The following LUC7L2 variants were observed in gnomAD, a reference collection of about 807,000 sequenced individuals.
LUC7L2 encodes the protein putative RNA-binding protein Luc7-like 2.
LUC7L2 carries 25 observed loss-of-function variants against 52.8 expected under a neutral mutation model. That is an observed-to-expected ratio of 0.47 (90% CI 0.34 to 0.66). The LOEUF (loss-of-function observed/expected upper bound fraction) is 0.66, where lower values mean the gene tolerates loss of function less well. Among genes scored for constraint, LUC7L2 ranks in the 30% least tolerant of loss-of-function variants. The pLI is 0.01. For synonymous variants in LUC7L2, 144 were observed against 160.9 expected (o/e 0.89, Z 0.80); for missense variants, 328 against 497.8 (o/e 0.66, Z 3.25).
intron 1 of LUC7L2, chr7:139,375,459 T>G: frequency 1.0e-6 from 1 of 985,438 alleles, no homozygotes; most frequent in Non-Finnish European, 1.2e-6. Context: ...TCTTCCAGGT[T>G]TGTACGCTCT....
chr7:139,409,674 G>A lies in LUC7L2; in HGVS notation c.779+20G>A. On this transcript the variant is annotated intron_variant, in intron 7 of 9. Transcript: ENST00000354926. ...GAGGAGGTATGGAGTAATGGGCCAA[G>A]TAATTGAAGTTGAATCTCTGTGGTT... 2 of 1,574,906 alleles carry A rather than the reference G, an allele frequency of 1.3e-6. No homozygotes were observed. The highest frequency in any genetic ancestry group is 3.4e-4 in the Middle Eastern group (2 of 5,910).
chr7:139,388,469 C>T (rs191073626), intron 2 of LUC7L2, among the ~76,000 whole-genome samples: 2 of 152,020 alleles, frequency 1.3e-5, no homozygotes, highest in African/African-American at 2.4e-5. Flanking sequence ...TCTCTTCACC[C>T]TATACTCATG....
intron 2 of LUC7L2, among the ~76,000 whole-genome samples, chr7:139,378,941 C>G (rs1168632666): frequency 6.6e-6 from 1 of 152,246 alleles, no homozygotes; most frequent in East Asian, 1.9e-4. Flanking sequence ...GCAGGAGCCA[C>G]TGTGCCTGGC....
At chr7:139,386,277 C>T (rs58606420) in intron 2 of LUC7L2, among the ~76,000 whole-genome samples, 4,509 of 152,272 alleles carry the variant, frequency 0.03, 237 homozygotes, top group African/African-American at 0.1. Context: ...GCTGGGATTA[C>T]AGGCCTGAGC....
At chr7:139,345,567 C>T in intron 1 of LUC7L2, 2 of 1,614,098 alleles carry the variant, frequency 1.2e-6, no homozygotes, top group Non-Finnish European at 8.5e-7. Flanking sequence ...CTATCTCTGC[C>T]TCCTGCGTAG....
rs775487080 is a variant in LUC7L2 at position 139,345,659 on chromosome 7, T to TCTCAAGTTGCCAGG, written c.-26+5153_-26+5154insAGGCTCAAGTTGCC. 5 of 1,614,086 alleles carry TCTCAAGTTGCCAGG rather than the reference T, an allele frequency of 3.1e-6. No individual in the cohort carries two copies. In the Admixed American group the frequency reaches 5.0e-5, roughly 16 times the overall value. On this transcript the variant is annotated intron_variant, in intron 1 of 10. Transcript: ENST00000541170. Reference sequence around the variant, plus strand: ...TGGAGGAGTCTGCTGGCTTGGTGGGTCTCAAGTTGCCCCATCAGCCTGGAG... The same window carrying TCTCAAGTTGCCAGG: ...TGGAGGAGTCTGCTGGCTTGGTGGGTCTCAAGTTGCCAGGCTCAAGTTGCCCCATCAGCCTGGAG...
At chr7:139,371,559 T>TG (rs917505163) in intron 1 of LUC7L2, 6 of 572,358 alleles carry the variant, frequency 1.0e-5, no homozygotes, top group African/African-American at 4.1e-5. Flanking sequence ...TGGGTAGTAC[T>TG]GGGGGGAGGG....
intron 2 of LUC7L2, among the ~76,000 whole-genome samples, chr7:139,386,977 T>C (rs890731634): frequency 1.3e-5 from 2 of 152,038 alleles, no homozygotes; most frequent in Non-Finnish European, 1.5e-5. Flanking sequence ...GTAGCTGGAT[T>C]ACAGGCACGT....
intron 4 of LUC7L2, among the ~76,000 whole-genome samples, chr7:139,403,855 T>C (rs1036607308): frequency 6.6e-6 from 1 of 152,164 alleles, no homozygotes; most frequent in Non-Finnish European, 1.5e-5. Context: ...CGTGTTCTCA[T>C]AGTGGTGGTA....
At position 139,343,925 on chromosome 7, in the gene LUC7L2, C is replaced by CAAAA. The variant is rs370854113; in HGVS notation, c.-26+3408_-26+3409insAAAA. On this transcript the variant is annotated intron_variant, in intron 1 of 10. Transcript: ENST00000541170. Reference sequence around the variant, plus strand: ...TGGGCAACAAAGTGAGACCCTGTCCCCAAAAAAAAAAAAAAAAAAAAGAGT... The same window carrying CAAAA: ...TGGGCAACAAAGTGAGACCCTGTCCCAAAACAAAAAAAAAAAAAAAAAAAAGAGT... 1.8e-4 allele frequency among the ~76,000 whole-genome samples: 23 copies of CAAAA among 126,450 alleles called. 1 individual carries two copies. Among genetic ancestry groups the CAAAA allele is most frequent in the African/African-American group, 4.3e-4 (12 of 28,206 alleles). The allele number at this position is 126,450 out of a possible 152,430, so 83.0% of individuals were successfully genotyped here. A position where few individuals can be genotyped will look rare whatever the true frequency, so the allele number is the denominator to read the frequency against.
Position 139,389,684 on chromosome 7 carries a change from GTAATA to G in LUC7L2, c.157-8908_157-8904del, listed in dbSNP as rs578227030. ...TTATTCATTGAACAAATATTGAGCT[GTAATA>G]TAATATTATATCATATTATGTAACA... is the stretch of plus-strand genomic sequence containing the variant. On this transcript the variant is annotated intron_variant, in intron 2 of 9. Coordinates refer to ENST00000354926, the MANE Select transcript of LUC7L2 (RefSeq NM_016019.5). 6.3e-4 allele frequency among the ~76,000 whole-genome samples: 96 copies of G among 152,284 alleles called. No homozygotes were observed. In the East Asian group the frequency reaches 0.017, roughly 27 times the overall value.
chr7:139,360,173 ACCTTCCCCCATC>A lies in LUC7L2; in HGVS notation c.-80_-69del. The A allele has an allele frequency of 1.0e-6, 1 of 964,792 alleles. No homozygotes were observed. The highest frequency in any genetic ancestry group is 1.5e-6 in the Non-Finnish European group (1 of 657,356). 59.8% of individuals were successfully genotyped at this position (964,792 alleles called of 1,614,324 possible). A position where few individuals can be genotyped will look rare whatever the true frequency, so the allele number is the denominator to read the frequency against. ...GCGGCGGCCACCGAGACAGCAGCGC[ACCTTCCCCCATC>A]CCTTCCCCTTATCCCCCAGCCCAAA... is the stretch of plus-strand genomic sequence containing the variant. On this transcript the variant is annotated 5_prime_UTR_variant, in exon 1 of 10. Transcript: ENST00000354926.
At chr7:139,387,218 T>G (rs1398955688) in intron 2 of LUC7L2, among the ~76,000 whole-genome samples, 3 of 152,136 alleles carry the variant, frequency 2.0e-5, no homozygotes, top group Admixed American at 6.5e-5. Flanking sequence ...TTGATTTTAC[T>G]CAGATAATAT....
At chr7:139,403,424 G>A (rs1479330507) in intron 4 of LUC7L2, among the ~76,000 whole-genome samples, 1 of 152,176 alleles carries the variant, frequency 6.6e-6, no homozygotes, top group Non-Finnish European at 1.5e-5. Context: ...GTGGAGTTTA[G>A]ATGACAGTAT....
At chr7:139,393,474 CAG>C (rs1161283978) in intron 2 of LUC7L2, among the ~76,000 whole-genome samples, 11 of 152,002 alleles carry the variant, frequency 7.2e-5, no homozygotes, top group African/African-American at 2.4e-4. Flanking sequence ...TATTTTGTGA[CAG>C]AGTCTTACTC....
chr7:139,350,401 G>A (rs764170064), intron 1 of LUC7L2, among the ~76,000 whole-genome samples: 39 of 152,030 alleles, frequency 2.6e-4, no homozygotes, highest in Non-Finnish European at 5.4e-4. Flanking sequence ...GATTACAGGT[G>A]TGAGCCACTG....
intron 9 of LUC7L2, among the ~76,000 whole-genome samples, chr7:139,419,130 C>CAAAAAA (rs571694948): frequency 1.4e-5 from 2 of 139,292 alleles, no homozygotes; most frequent in African/African-American, 5.3e-5. Flanking sequence ...AAAAAACAAA[C>CAAAAAA]AAAAAAAAAA....
At position 139,362,396 on chromosome 7, in the gene LUC7L2, G is replaced by A. The variant is rs147719337; in HGVS notation, c.61+2074G>A. ...TAATAATTAGGATTGTTCTTTTTTA[G>A]CATACAGTCAACTTCAAGTTACCCA... On this transcript the variant is annotated intron_variant, in intron 1 of 9. Transcript: ENST00000354926. 2.4e-3 allele frequency among the ~76,000 whole-genome samples: 356 copies of A among 151,342 alleles called. 3 individuals carry two copies. The highest frequency in any genetic ancestry group is 1.8e-3 in the Non-Finnish European group (119 of 67,856).
intron 1 of LUC7L2, 21 bp from the exon 2 acceptor site, chr7:139,376,041 A>G (rs1800691926): frequency 2.5e-6 from 4 of 1,612,418 alleles, no homozygotes; most frequent in Non-Finnish European, 2.5e-6. Flanking sequence ...CTTGAATGTT[A>G]TTAACTCTTC....
Sources: allele counts gnomAD v4.1 joint callset (sites outside exome capture counted in the v4.1 genomes callset), GRCh38; gene constraint gnomAD v4.1.1; transcripts MANE v1.5; gene names NCBI Gene and HGNC (gene_info 2026-07-23, HGNC 2026-07-21).